The following FBH1 variants were observed in gnomAD, a reference collection of about 807,000 sequenced individuals.
The protein encoded by FBH1 is DNA 3'-5' helicase 1.
A neutral mutation model predicts 115.5 loss-of-function variants in FBH1; 43 were observed. That is an observed-to-expected ratio of 0.37 (90% CI 0.29 to 0.48). The LOEUF (loss-of-function observed/expected upper bound fraction) is 0.48, where lower values mean the gene tolerates loss of function less well. FBH1 is among the 20% of genes least tolerant of loss of function. The pLI, the probability that FBH1 is intolerant of heterozygous loss-of-function variation, is 0.99. For synonymous variants in FBH1, 524 were observed against 507.8 expected, an observed-to-expected ratio of 1.03 and a Z score of -0.43; for missense variants, 1,001 against 1,337.3, an observed-to-expected ratio of 0.75 and a Z score of 3.92.
At chr10:5,904,820 CAGTT>C (rs1266063886) in intron 2 of FBH1, among the ~76,000 whole-genome samples, 3 of 152,012 alleles carry the variant, frequency 2.0e-5, no homozygotes, top group African/African-American at 7.2e-5. Context: ...GCCCAAGAAA[CAGTT>C]AACCGTTATA....
intron 1 of FBH1, 72 bp from the exon 2 acceptor site, chr10:5,902,948 G>A: frequency 6.8e-7 from 1 of 1,459,914 alleles, no homozygotes; most frequent in Non-Finnish European, 9.2e-7. Context: ...TGAGTATAAT[G>A]TGCTGGCTAG....
intron 1 of FBH1, among the ~76,000 whole-genome samples, chr10:5,893,694 A>G (rs981856356): frequency 1.3e-5 from 2 of 152,166 alleles, no homozygotes; most frequent in Non-Finnish European, 2.9e-5. Context: ...TGTAGTTGTT[A>G]TATTACTTTA....
chr10:5,897,076 G>A lies in FBH1; in HGVS notation c.2-5944G>A, dbSNP rs1589046845. 6.6e-6 allele frequency among the ~76,000 whole-genome samples: 1 copy of A among 152,170 alleles called. No individual in the cohort carries two copies. Among genetic ancestry groups the A allele is most frequent in the African/African-American group, 2.4e-5 (1 of 41,448 alleles). ...GAACATTAATGCTATTAAAACTGAT[G>A]TGCCTTAGGAGACCCTCAGATTGGT... On this transcript the variant is annotated intron_variant, in intron 1 of 20. Transcript: ENST00000362091. The surrounding 1 kb of genome is among the most constrained non-coding windows in gnomAD (Gnocchi z 4.7).
In FBH1 at chr10:5,915,645, C is replaced by T; in HGVS notation, c.1565+74C>T. The T allele has an allele frequency of 1.4e-6, 2 of 1,419,354 alleles. No individual in the cohort carries two copies. The highest frequency in any genetic ancestry group is 1.3e-5 in the South Asian group (1 of 78,940). 87.9% of individuals were successfully genotyped at this position (1,419,354 alleles called of 1,614,324 possible). A position where few individuals can be genotyped will look rare whatever the true frequency, so the allele number is the denominator to read the frequency against. ...TCTTACTGTTTTCCCGTGACGATCA[C>T]ATGTGAGCTTACACCACAGTGACCC... On this transcript the variant is annotated intron_variant, in intron 9 of 20. Coordinates refer to ENST00000362091, the MANE Select transcript of FBH1 (RefSeq NM_178150.3). This position sits in a 1 kb window ranked among gnomAD's most constrained non-coding sequence, Gnocchi z 5.2.
chr10:5,918,615 T>TTC lies in FBH1; in HGVS notation c.2100+140_2100+141dup. On this transcript the variant is annotated intron_variant, in intron 13 of 20. Coordinates refer to ENST00000362091, the MANE Select transcript of FBH1 (RefSeq NM_178150.3). This position sits in a 1 kb window ranked among gnomAD's most constrained non-coding sequence, Gnocchi z 4.0. The stretch of plus-strand genomic sequence containing the variant: ...CTAAGCCATGGTTCTCAAAGTGTGG[T>TTC]TCTCAGGGGTCTGCCAAGTCACACT... The TTC allele has an allele frequency of 8.6e-7, 1 of 1,161,570 alleles. No individual in the cohort carries two copies. The highest frequency in any genetic ancestry group is 1.2e-6 in the Non-Finnish European group (1 of 867,390). 72.0% of individuals were successfully genotyped at this position (1,161,570 alleles called of 1,614,324 possible).
At position 5,923,868 on chromosome 10, in the gene FBH1, T is replaced by A; in HGVS notation, c.2398+172T>A. 1 of 613,168 alleles carries A rather than the reference T, an allele frequency of 1.6e-6. No individual in the cohort carries two copies. Among genetic ancestry groups the A allele is most frequent in the East Asian group, 2.8e-5 (1 of 35,678 alleles). 38.0% of individuals were successfully genotyped at this position (613,168 alleles called of 1,614,324 possible). A position where few individuals can be genotyped will look rare whatever the true frequency, so the allele number is the denominator to read the frequency against. On this transcript the variant is annotated intron_variant, in intron 16 of 20. Transcript: ENST00000362091. The surrounding 1 kb of genome is among the most constrained non-coding windows in gnomAD (Gnocchi z 5.7). The stretch of plus-strand genomic sequence containing the variant: ...GCCTCGGGCCTCCTGTTTTCATAGG[T>A]ACTGACAGATTTTTCCAGATCCTCC...
intron 18 of FBH1, among the ~76,000 whole-genome samples, chr10:5,926,315 T>C (rs1352654084): frequency 6.6e-6 from 1 of 152,106 alleles, no homozygotes; most frequent in Admixed American, 6.5e-5. Context: ...GGTTTCGCCA[T>C]GTTGGCCAGT....
chr10:5,920,639 T>G (rs1290578700), intron 13 of FBH1, among the ~76,000 whole-genome samples: 2 of 152,250 alleles, frequency 1.3e-5, no homozygotes, highest in African/African-American at 4.8e-5. Context: ...TAGTGTTTGT[T>G]TAAAGTCTAG....
At chr10:5,894,882 T>TA (rs1842922599) in intron 1 of FBH1, among the ~76,000 whole-genome samples, 1 of 152,234 alleles carries the variant, frequency 6.6e-6, no homozygotes, top group Non-Finnish European at 1.5e-5. Flanking sequence ...CAATAATTCA[T>TA]ATAAGACACA....
Position 5,925,414 on chromosome 10 carries a change from A to G in FBH1, c.2644A>G (p.Thr882Ala). ...VHKAKGLEFDTVHVLDDFVKV... is the reference protein window; with the variant it reads ...VHKAKGLEFDAVHVLDDFVKV... The stretch of plus-strand genomic sequence containing the variant: ...CAAAGCCAAAGGCCTGGAGTTTGAC[A>G]CTGTGCATGTTTTGGATGATTTTGT... Residue 882 changes from threonine (T) to alanine (A), a missense_variant, in exon 18 of 21, where the codon ACT becomes GCT. Thr to Ala is a moderately conservative substitution (Grantham distance 58). Coordinates refer to ENST00000362091, the MANE Select transcript of FBH1 (RefSeq NM_178150.3). This position sits in a 1 kb window ranked among gnomAD's most constrained non-coding sequence, Gnocchi z 4.6. 6.2e-7 allele frequency: 1 copy of G among 1,614,192 alleles called. No individual in the cohort carries two copies.
At chr10:5,908,891 C>T (rs1831381575) in intron 3 of FBH1, 34 bp from the exon 4 acceptor site, 5 of 1,611,414 alleles carry the variant, frequency 3.1e-6, no homozygotes, top group South Asian at 2.2e-5. Context: ...GGCCCTTTGC[C>T]TCATGTTATT....
rs1166594763 is a variant in FBH1, at chr10:5,933,636, T to C, written c.2830-2820T>C. Among the ~76,000 whole-genome samples the C allele has an allele frequency of 6.7e-6, 1 of 148,676 alleles. No homozygotes were observed. Among genetic ancestry groups the C allele is most frequent in the African/African-American group, 2.6e-5 (1 of 39,018 alleles). ...AAGACCTTGTTAGAAGTGGAGGCACTCTGCTGTTTTTTTTTTTTTTTTAAA... is the reference window on the plus strand; with the variant it reads ...AAGACCTTGTTAGAAGTGGAGGCACCCTGCTGTTTTTTTTTTTTTTTTAAA... On this transcript the variant is annotated intron_variant, in intron 19 of 20. Transcript: ENST00000362091. The surrounding 1 kb of genome is among the most constrained non-coding windows in gnomAD (Gnocchi z 4.9).
At chr10:5,894,542 TG>T in intron 1 of FBH1, 1 of 819,416 alleles carries the variant, frequency 1.2e-6, no homozygotes, top group Non-Finnish European at 2.2e-6. Context: ...AGCTTAATCA[TG>T]GCACAATTGT....
chr10:5,936,800 C>T lies in FBH1; in HGVS notation c.2961+213C>T. On this transcript the variant is annotated intron_variant, in intron 20 of 20. Coordinates refer to ENST00000362091, the MANE Select transcript of FBH1 (RefSeq NM_178150.3). This position sits in a 1 kb window ranked among gnomAD's most constrained non-coding sequence, Gnocchi z 5.6. ...GCCTGGCTGTGCTGAAGCCGCAGGT[C>T]TGGGAGGCTGGGTTGTGATACACGC... The T allele has an allele frequency of 1.5e-6, 1 of 646,314 alleles. No individual in the cohort carries two copies. 40.0% of individuals were successfully genotyped at this position (646,314 alleles called of 1,614,324 possible). A position where few individuals can be genotyped will look rare whatever the true frequency, so the allele number is the denominator to read the frequency against.
intron 1 of FBH1, chr10:5,893,966 T>C (rs1173346300): frequency 1.0e-6 from 1 of 984,252 alleles, no homozygotes; most frequent in Non-Finnish European, 1.2e-6. Flanking sequence ...AACATTCCTT[T>C]CTTTCTTTAG....
intron 1 of FBH1, among the ~76,000 whole-genome samples, chr10:5,899,174 C>T (rs765911484): frequency 1.3e-5 from 2 of 152,212 alleles, no homozygotes; most frequent in African/African-American, 4.8e-5. Flanking sequence ...TGGTTATGTG[C>T]CTTTTCGTTG....
intron 1 of FBH1, chr10:5,894,274 T>A: frequency 2.8e-6 from 4 of 1,435,528 alleles, no homozygotes; most frequent in Non-Finnish European, 3.6e-6. Context: ...CATTTAGTGG[T>A]ATTTTCCTTA....
rs900212698 is a variant in FBH1, at chr10:5,895,933, A to C, written c.1+5587A>C. Among the ~76,000 whole-genome samples, 1 of 152,200 alleles carries C rather than the reference A, an allele frequency of 6.6e-6. No homozygotes were observed. Among genetic ancestry groups the C allele is most frequent in the African/African-American group, 2.4e-5 (1 of 41,444 alleles). ...CAGCTGTGTGCTCAGGGAGAAGAGC[A>C]ACAACATTCTTTGCAGCAAAACCTG... is the stretch of plus-strand genomic sequence containing the variant. On this transcript the variant is annotated intron_variant, in intron 1 of 20. Transcript: ENST00000362091. The surrounding 1 kb of genome is among the most constrained non-coding windows in gnomAD (Gnocchi z 5.0).
rs1054753957 is a variant in FBH1 at position 5,918,335 on chromosome 10, G to T, written c.1964-7G>T. On this transcript the variant is annotated splice_polypyrimidine_tract_variant and splice_region_variant and intron_variant, in intron 12 of 20. Coordinates refer to ENST00000362091, the MANE Select transcript of FBH1 (RefSeq NM_178150.3). This position sits in a 1 kb window ranked among gnomAD's most constrained non-coding sequence, Gnocchi z 4.0. Reference sequence around the variant, plus strand: ...AGGTTTCTCACTTTTCCTCTCGTTGGTTACAGCTATCATGAACATAGTTCT... The same window carrying T: ...AGGTTTCTCACTTTTCCTCTCGTTGTTTACAGCTATCATGAACATAGTTCT... The T allele has an allele frequency of 1.9e-6, 3 of 1,607,954 alleles. No individual in the cohort carries two copies. In the African/African-American group the frequency reaches 4.0e-5, roughly 22 times the overall value.
Sources: gnomAD v4.1 joint callset for allele counts (sites outside exome capture counted in the v4.1 genomes callset) on GRCh38, gnomAD v4.1.1 for gene constraint, Gnocchi (gnomAD v3.1) non-coding constraint, MANE v1.5 for transcripts, NCBI Gene and HGNC (gene_info 2026-07-23, HGNC 2026-07-21) for gene names.